Variants in KDM5A observed in about 807,000 individuals in gnomAD.
The protein encoded by KDM5A is lysine-specific demethylase 5A.
KDM5A carries 42 observed loss-of-function variants against 193.5 expected under a neutral mutation model. The ratio of observed to expected loss-of-function variants is 0.22; its 90% CI spans 0.17 to 0.28. The LOEUF (loss-of-function observed/expected upper bound fraction) is 0.28. Among genes scored for constraint, KDM5A ranks in the 10% least tolerant of loss-of-function variants. The pLI, the probability that KDM5A is intolerant of heterozygous loss-of-function variation, is 1.00. For synonymous variants in KDM5A, 796 were observed against 718.1 expected, an observed-to-expected ratio of 1.11 and a Z score of -1.73; for missense variants, 1,692 against 2,055.1, an observed-to-expected ratio of 0.82 and a Z score of 3.42.
Position 371,080 on chromosome 12 carries a change from G to C in KDM5A, c.367-4976C>G, listed in dbSNP as rs562917302. Among the ~76,000 whole-genome samples the C allele has an allele frequency of 2.6e-4, 40 of 152,284 alleles. No homozygotes were observed. In the South Asian group the frequency reaches 7.5e-3, roughly 28 times the overall value. Reference sequence around the variant, plus strand: ...GAATAGTGCCACAATAAACATATGTGTGCATGTGTCTTTATAACAGCATGA... The same window carrying C: ...GAATAGTGCCACAATAAACATATGTCTGCATGTGTCTTTATAACAGCATGA... On this transcript the variant is annotated intron_variant, in intron 3 of 27. Coordinates refer to ENST00000399788, the MANE Select transcript of KDM5A (RefSeq NM_001042603.3).
At chr12:341,350 C>T (rs1205505083) in intron 10 of KDM5A, among the ~76,000 whole-genome samples, 2 of 152,106 alleles carry the variant, frequency 1.3e-5, no homozygotes, top group Non-Finnish European at 2.9e-5. Context: ...AAAACCATCC[C>T]CATATAATCT....
At chr12:357,899 C>G (rs1428599117) in intron 5 of KDM5A, among the ~76,000 whole-genome samples, 1 of 140,664 alleles carries the variant, frequency 7.1e-6, no homozygotes, top group African/African-American at 2.6e-5. Flanking sequence ...AGGACTCCGT[C>G]TGGTGAAAAC....
intron 27 of KDM5A, among the ~76,000 whole-genome samples, chr12:290,429 G>T (rs957476442): frequency 6.6e-6 from 1 of 152,134 alleles, no homozygotes; most frequent in African/African-American, 2.4e-5. Flanking sequence ...TCACCTTTAC[G>T]TATCGTAACA....
At chr12:353,339 A>C (rs1324093273) in intron 8 of KDM5A, among the ~76,000 whole-genome samples, 1 of 152,150 alleles carries the variant, frequency 6.6e-6, no homozygotes, top group African/African-American at 2.4e-5. Context: ...AAAAAAGTAA[A>C]TAAATAAATA....
chr12:384,944 C>T (rs1944621560), intron 2 of KDM5A, among the ~76,000 whole-genome samples: 1 of 152,176 alleles, frequency 6.6e-6, no homozygotes, highest in Non-Finnish European at 1.5e-5. Context: ...AATCCCAGCA[C>T]TTTGGGAGGC....
chr12:360,250 G>A (rs1237497293), intron 5 of KDM5A, among the ~76,000 whole-genome samples: 1 of 152,086 alleles, frequency 6.6e-6, no homozygotes, highest in Non-Finnish European at 1.5e-5. Context: ...CTCCAGCCTG[G>A]GAGTTACAGC....
Position 282,589 on chromosome 12 carries a change from C to A in KDM5A, c.*2867G>T, listed in dbSNP as rs909693514. 2.1e-5 allele frequency: 5 copies of A among 233,002 alleles called. No homozygotes were observed. The highest frequency in any genetic ancestry group is 5.6e-5 in the Admixed American group (1 of 17,774). 14.4% of individuals were successfully genotyped at this position (233,002 alleles called of 1,614,324 possible). A position where few individuals can be genotyped will look rare whatever the true frequency, so the allele number is the denominator to read the frequency against. ...CTGGTGCTGTATTTGTACTTTTAAACTTGGGGATCTGCATAGTTCTAATGA... is the reference window on the plus strand; with the variant it reads ...CTGGTGCTGTATTTGTACTTTTAAAATTGGGGATCTGCATAGTTCTAATGA... On this transcript the variant is annotated 3_prime_UTR_variant, in exon 28 of 28. Transcript: ENST00000399788.
intron 14 of KDM5A, among the ~76,000 whole-genome samples, chr12:324,429 CA>C (rs1943758705): frequency 1.3e-5 from 2 of 152,102 alleles, no homozygotes; most frequent in Non-Finnish European, 2.9e-5. Flanking sequence ...CATCCTTGAG[CA>C]AAATAAATCA....
chr12:367,133 A>AT (rs1405976253), intron 3 of KDM5A, among the ~76,000 whole-genome samples: 1 of 152,216 alleles, frequency 6.6e-6, no homozygotes, highest in Non-Finnish European at 1.5e-5. Flanking sequence ...TATCCCTGTC[A>AT]TTAAGTGACA....
At chr12:321,134 T>A (rs189610539) in intron 17 of KDM5A, 25 bp from the exon 18 acceptor site, 2 of 1,528,130 alleles carry the variant, frequency 1.3e-6, no homozygotes, top group Admixed American at 1.7e-5. Context: ...TATTGAGATA[T>A]AAGTAAGAAA....
At chr12:353,188 C>T (rs922396631) in intron 8 of KDM5A, among the ~76,000 whole-genome samples, 3 of 151,914 alleles carry the variant, frequency 2.0e-5, no homozygotes, top group African/African-American at 7.3e-5. Context: ...ACAAAAAATA[C>T]AAAAATTAGC....
chr12:376,019 T>TG (rs1168120746), intron 3 of KDM5A, among the ~76,000 whole-genome samples: 4 of 152,204 alleles, frequency 2.6e-5, no homozygotes, highest in Admixed American at 2.6e-4. Flanking sequence ...TTAGGCTACT[T>TG]GGGGGTCAGG....
intron 3 of KDM5A, among the ~76,000 whole-genome samples, chr12:383,080 C>G (rs1944594320): frequency 6.6e-6 from 1 of 151,952 alleles, no homozygotes; most frequent in Admixed American, 6.6e-5. Context: ...CCTTAAGTTT[C>G]TGAGCTGTTT....
intron 14 of KDM5A, among the ~76,000 whole-genome samples, chr12:328,128 C>G (rs1443876840): frequency 6.6e-6 from 1 of 152,158 alleles, no homozygotes; most frequent in East Asian, 1.9e-4. Flanking sequence ...TGGGTATATA[C>G]AGAGTCAAAA....
intron 10 of KDM5A, among the ~76,000 whole-genome samples, chr12:342,787 A>C (rs1199200204): frequency 7.2e-5 from 11 of 151,910 alleles, no homozygotes; most frequent in Non-Finnish European, 1.5e-4. Flanking sequence ...AAAAAAAAAA[A>C]AAAAAACCTG....
At chr12:294,537 T>C (rs1013221143) in intron 26 of KDM5A, among the ~76,000 whole-genome samples, 1 of 152,218 alleles carries the variant, frequency 6.6e-6, no homozygotes, top group African/African-American at 2.4e-5. Context: ...TTGGGTAAGA[T>C]AATGAATGTG....
At chr12:370,467 T>C (rs960126893) in intron 3 of KDM5A, among the ~76,000 whole-genome samples, 5 of 152,208 alleles carry the variant, frequency 3.3e-5, no homozygotes, top group East Asian at 1.9e-4. Flanking sequence ...ATCACAACAC[T>C]GTCCCCAGAA....
At chr12:305,269 A>G (rs2137383615) in intron 24 of KDM5A, among the ~76,000 whole-genome samples, 1 of 152,136 alleles carries the variant, frequency 6.6e-6, no homozygotes, top group African/African-American at 2.4e-5. Context: ...ACCATATAAT[A>G]AGATATTTTA....
In KDM5A at chr12:284,334, TTA is replaced by T; in HGVS notation, c.*1120_*1121del. The T allele has an allele frequency of 8.6e-6, 2 of 231,340 alleles. No homozygotes were observed. The highest frequency in any genetic ancestry group is 1.7e-5 in the Non-Finnish European group (2 of 116,794). The allele number at this position is 231,340 out of a possible 1,614,324, so 14.3% of individuals were successfully genotyped here. ...AGTAAAAACAAGTCCTTTTTTTTTT[TTA>T]AAAATGGATTTACTAAAACAACTTC... On this transcript the variant is annotated 3_prime_UTR_variant, in exon 28 of 28. Transcript: ENST00000399788.
Sources: allele counts gnomAD v4.1 joint callset (sites outside exome capture counted in the v4.1 genomes callset), GRCh38; gene constraint gnomAD v4.1.1; transcripts MANE v1.5; gene names NCBI Gene and HGNC (gene_info 2026-07-23, HGNC 2026-07-21).